Variants in NT5DC3 observed in about 807,000 individuals in gnomAD.
NT5DC3 encodes the protein 5'-nucleotidase domain containing 3.
A neutral mutation model predicts 67.8 loss-of-function variants in NT5DC3; 42 were observed. That is an observed-to-expected ratio of 0.62 (90% CI 0.48 to 0.80). The LOEUF is 0.80. NT5DC3 is among the 30% of genes least tolerant of loss of function. The pLI, the probability that NT5DC3 is intolerant of heterozygous loss-of-function variation, is 0.00. For missense variants in NT5DC3, 570 were observed against 696.4 expected, an observed-to-expected ratio of 0.82 and a Z score of 2.04; for synonymous variants, 237 against 255.6, an observed-to-expected ratio of 0.93 and a Z score of 0.69.
chr12:103,786,885 G>A (rs934776258), intron 11 of NT5DC3, among the ~76,000 whole-genome samples: 19 of 151,960 alleles, frequency 1.3e-4, no homozygotes, highest in African/African-American at 2.4e-4. Context: ...GTTTCACAAC[G>A]CTGCCCAGGT....
intron 9 of NT5DC3, among the ~76,000 whole-genome samples, chr12:103,789,621 G>A (rs1468608410): frequency 6.6e-6 from 1 of 152,108 alleles, no homozygotes; most frequent in Non-Finnish European, 1.5e-5. Context: ...AAAGTTTATG[G>A]AAATACTGCC....
chr12:103,823,817 G>A (rs1278900979), intron 1 of NT5DC3, among the ~76,000 whole-genome samples: 1 of 152,116 alleles, frequency 6.6e-6, no homozygotes, highest in Non-Finnish European at 1.5e-5. Flanking sequence ...TCCACTACAG[G>A]TGAACTCAAG....
chr12:103,761,376 T>C, the NT5DC3 span: 1 of 1,613,834 alleles, frequency 6.2e-7, no homozygotes, highest in Non-Finnish European at 8.5e-7. Flanking sequence ...ATTCATGTCA[T>C]TTCCAGGCCT....
At chr12:103,806,226 C>T (rs1257945860) in intron 4 of NT5DC3, 96 bp downstream of exon 4, 4 of 778,288 alleles carry the variant, frequency 5.1e-6, no homozygotes, top group Non-Finnish European at 9.2e-6. Context: ...CATATTCACA[C>T]TGCAGCCCTC....
chr12:103,750,496 T>A, the NT5DC3 span: 1 of 1,563,544 alleles, frequency 6.4e-7, no homozygotes, highest in East Asian at 2.3e-5. Flanking sequence ...CCTCCTAGGC[T>A]GGACATTGGT....
At chr12:103,826,414 A>G (rs748850446) in intron 1 of NT5DC3, among the ~76,000 whole-genome samples, 12 of 152,232 alleles carry the variant, frequency 7.9e-5, no homozygotes, top group Non-Finnish European at 1.8e-4. Flanking sequence ...AGGGTCCTTA[A>G]GTGTGGAAAA....
the NT5DC3 span, chr12:103,755,433 T>G: frequency 6.2e-7 from 1 of 1,613,288 alleles, no homozygotes; most frequent in African/African-American, 1.3e-5. Flanking sequence ...CCAACAAGAG[T>G]GAAATGTGGG....
chr12:103,747,130 A>G, the NT5DC3 span, among the ~76,000 whole-genome samples: 1 of 151,688 alleles, frequency 6.6e-6, no homozygotes, highest in Non-Finnish European at 1.5e-5. Context: ...CTAACTTTAG[A>G]GTGTTTTTCT....
chr12:103,757,902 T>G, the NT5DC3 span: 1 of 472,790 alleles, frequency 2.1e-6, no homozygotes, highest in Non-Finnish European at 3.9e-6. Flanking sequence ...ACTCGAGATT[T>G]GATGCACCTT....
intron 1 of NT5DC3, among the ~76,000 whole-genome samples, chr12:103,820,380 T>C (rs1441838143): frequency 6.6e-6 from 1 of 152,156 alleles, no homozygotes; most frequent in Admixed American, 6.5e-5. Flanking sequence ...CACAGAAAAA[T>C]ACCATTTCTT....
intron 1 of NT5DC3, among the ~76,000 whole-genome samples, chr12:103,826,848 T>C (rs1001085590): frequency 4.6e-5 from 7 of 152,232 alleles, no homozygotes; most frequent in African/African-American, 1.7e-4. Context: ...TATAAAACCA[T>C]GACATTCTTC....
chr12:103,823,755 C>T (rs1887580355), intron 1 of NT5DC3, among the ~76,000 whole-genome samples: 1 of 152,116 alleles, frequency 6.6e-6, no homozygotes. Context: ...TGAAAATAAG[C>T]ATAGGCATTT....
intron 1 of NT5DC3, among the ~76,000 whole-genome samples, chr12:103,829,364 C>T (rs1219708178): frequency 2.0e-5 from 3 of 152,204 alleles, no homozygotes; most frequent in Admixed American, 2.0e-4. Flanking sequence ...CTACAACTGG[C>T]CCATGAACTG....
In NT5DC3 at chr12:103,841,140, G is replaced by A. The variant is rs1289696523; in HGVS notation, c.17C>T (p.Ala6Val). 5 of 814,748 alleles carry A rather than the reference G, an allele frequency of 6.1e-6. No individual in the cohort carries two copies. Among genetic ancestry groups the A allele is most frequent in the South Asian group, 2.8e-5 (1 of 35,702 alleles). The allele number at this position is 814,748 out of a possible 1,614,324, so 50.5% of individuals were successfully genotyped here. Residue 6 changes from alanine to valine, a missense_variant, in exon 1 of 14, where the codon GCG becomes GTG. By Grantham distance (64) the Ala-to-Val change is moderately conservative (BLOSUM62 0). Transcript: ENST00000392876. ...CCCGGCCCCGCGTGCCACCACCGCC[G>A]CCGCTGCCATGGTCATGCCTGCTGC... is the stretch of plus-strand genomic sequence containing the variant. MTMAA[A>V]AVVARGAGAR...
the NT5DC3 span, among the ~76,000 whole-genome samples, chr12:103,760,128 G>A: frequency 2.0e-5 from 3 of 152,148 alleles, no homozygotes; most frequent in Non-Finnish European, 4.4e-5. Context: ...GAACAGAAGG[G>A]GCACTTTCTC....
intron 12 of NT5DC3, among the ~76,000 whole-genome samples, chr12:103,782,023 A>G (rs972105253): frequency 6.6e-6 from 1 of 152,246 alleles, no homozygotes; most frequent in Admixed American, 6.5e-5. Context: ...ATAAGCTTAC[A>G]AATGGGTTTT....
At chr12:103,796,264 C>T (rs1288815700) in intron 6 of NT5DC3, among the ~76,000 whole-genome samples, 2 of 151,958 alleles carry the variant, frequency 1.3e-5, no homozygotes, top group African/African-American at 2.4e-5. Flanking sequence ...AGCCTTTAAT[C>T]CCAGTACTTT....
downstream of NT5DC3, among the ~76,000 whole-genome samples, chr12:103,770,194 G>T (rs955714649): frequency 6.6e-6 from 1 of 152,166 alleles, no homozygotes; most frequent in Non-Finnish European, 1.5e-5. Context: ...CTTTAAGGAA[G>T]TATGCTTAGA....
At chr12:103,754,234 G>A in the NT5DC3 span, among the ~76,000 whole-genome samples, 1 of 151,834 alleles carries the variant, frequency 6.6e-6, no homozygotes, top group Admixed American at 6.6e-5. Context: ...CTGGTCATGT[G>A]GCCTTGATAT....
Sources: gnomAD v4.1 joint callset for allele counts (sites outside exome capture counted in the v4.1 genomes callset) on GRCh38, gnomAD v4.1.1 for gene constraint, MANE v1.5 for transcripts, NCBI Gene and HGNC (gene_info 2026-07-23, HGNC 2026-07-21) for gene names.